CENPC: variants seen among roughly 807,000 people sequenced by gnomAD.
CENPC encodes CENP-C 1.
CENPC carries 63 observed loss-of-function variants against 112.1 expected under a neutral mutation model. That is an observed-to-expected ratio of 0.56 (90% confidence interval 0.46 to 0.69). The LOEUF (loss-of-function observed/expected upper bound fraction) is 0.69. CENPC is among the 30% of genes least tolerant of loss of function. The pLI is 0.00. For synonymous variants in CENPC, 333 were observed against 367.6 expected, an observed-to-expected ratio of 0.91 and a Z score of 1.08; for missense variants, 1,000 against 1,103.8, an observed-to-expected ratio of 0.91 and a Z score of 1.33.
At chr4:67,517,243 C>T (rs1161788138) in intron 7 of CENPC, among the ~76,000 whole-genome samples, 3 of 151,784 alleles carry the variant, frequency 2.0e-5, no homozygotes, top group Non-Finnish European at 4.4e-5. Flanking sequence ...CTCACTGCAA[C>T]CTCCACCTCC....
intron 5 of CENPC, among the ~76,000 whole-genome samples, chr4:67,529,315 GATTT>G (rs546410899): frequency 4.5e-4 from 68 of 151,970 alleles, no homozygotes; most frequent in Middle Eastern, 6.8e-3. Context: ...GTGTCCTTCA[GATTT>G]ATTTATTTAT....
chr4:67,530,077 A>T (rs355475), intron 5 of CENPC, among the ~76,000 whole-genome samples: 6 of 151,868 alleles, frequency 4.0e-5, no homozygotes, highest in African/African-American at 1.2e-4. Flanking sequence ...AACACATTCC[A>T]GATGGTTAAA....
At chr4:67,490,812 C>T (rs1725227822) in intron 16 of CENPC, among the ~76,000 whole-genome samples, 1 of 138,128 alleles carries the variant, frequency 7.2e-6, no homozygotes, top group South Asian at 2.3e-4. Context: ...GTTAGTGATC[C>T]TACAGACTAC....
chr4:67,539,783 T>G, intron 4 of CENPC, 57 bp downstream of exon 4: 1 of 885,360 alleles, frequency 1.1e-6, no homozygotes, highest in Non-Finnish European at 1.7e-6. Flanking sequence ...GAGTATATTG[T>G]GTATACCTTC....
chr4:67,498,821 C>T (rs564967875), intron 12 of CENPC, among the ~76,000 whole-genome samples: 1 of 152,314 alleles, frequency 6.6e-6, no homozygotes, highest in Non-Finnish European at 1.5e-5. Flanking sequence ...TTGACCTCCT[C>T]CCATGAAACA....
At position 67,493,885 on chromosome 4, in the gene CENPC, T is replaced by C. The variant is rs748949047; in HGVS notation, c.2289A>G (p.Ser763=). The C allele has an allele frequency of 6.2e-7, 1 of 1,605,218 alleles. No individual in the cohort carries two copies. The highest frequency in any genetic ancestry group is 8.5e-7 in the Non-Finnish European group (1 of 1,173,298). The change falls in exon 14 of 19, where the codon TCA becomes TCG. Residue 763 remains serine, a splice_region_variant and synonymous_variant. Transcript: ENST00000273853. ...GERIDYQGRP[S]GGFVISGVLS... is the part of the protein sequence containing the mutation. ...TATTATAACATAAATAAGTTTTACC[T>C]GATGGCCTTCCTTGATAATCTATTC...
Position 67,519,505 on chromosome 4 carries a change from A to G in CENPC, c.332-3T>C. The G allele has an allele frequency of 1.3e-6, 2 of 1,481,970 alleles. No homozygotes were observed. Among genetic ancestry groups the G allele is most frequent in the Non-Finnish European group, 1.8e-6 (2 of 1,110,194 alleles). The allele number at this position is 1,481,970 out of a possible 1,614,324, so 91.8% of individuals were successfully genotyped here. Reference sequence around the variant, plus strand: ...CTGATGAACTTCATGGGCCTGAACTAGAAGAAAATTATATAAAGATATTTG... The same window carrying G: ...CTGATGAACTTCATGGGCCTGAACTGGAAGAAAATTATATAAAGATATTTG... On this transcript the variant is annotated splice_polypyrimidine_tract_variant and splice_region_variant and intron_variant, in intron 5 of 18. Coordinates refer to ENST00000273853, the MANE Select transcript of CENPC (RefSeq NM_001812.4).
chr4:67,523,957 T>C (rs931277768), intron 5 of CENPC, among the ~76,000 whole-genome samples: 2 of 151,422 alleles, frequency 1.3e-5, no homozygotes, highest in Middle Eastern at 3.2e-3. Flanking sequence ...ACAATCTGAA[T>C]AACAAAATAA....
intron 1 of CENPC, among the ~76,000 whole-genome samples, chr4:67,545,057 A>G (rs544376422): frequency 7.6e-4 from 115 of 152,290 alleles, no homozygotes; most frequent in Admixed American, 2.4e-3. Flanking sequence ...AAAAACAAAA[A>G]CAAAAAAAAA....
chr4:67,487,469 A>G (rs1207838668), intron 17 of CENPC, among the ~76,000 whole-genome samples: 1 of 151,698 alleles, frequency 6.6e-6, no homozygotes, highest in Non-Finnish European at 1.5e-5. Flanking sequence ...ACATGACCCA[A>G]TCTTAATGGT....
chr4:67,533,738 C>G (rs186293134), intron 4 of CENPC, among the ~76,000 whole-genome samples: 2 of 152,064 alleles, frequency 1.3e-5, no homozygotes, highest in African/African-American at 4.8e-5. Flanking sequence ...TGCAAGACAC[C>G]ACTAAAAAAA....
intron 18 of CENPC, among the ~76,000 whole-genome samples, chr4:67,473,149 C>G (rs1354404167): frequency 6.6e-6 from 1 of 151,840 alleles, no homozygotes; most frequent in Non-Finnish European, 1.5e-5. Context: ...AGGCAGGTCT[C>G]GAACTCCTGG....
chr4:67,530,543 A>G (rs1397322700), intron 5 of CENPC, among the ~76,000 whole-genome samples: 1 of 152,138 alleles, frequency 6.6e-6, no homozygotes, highest in African/African-American at 2.4e-5. Context: ...AACTCAATGG[A>G]GTAACACTCT....
In CENPC at chr4:67,481,044, C is replaced by A. The variant is rs192667699; in HGVS notation, c.2671-6066G>T. Among the ~76,000 whole-genome samples, 241 of 152,234 alleles carry A rather than the reference C, an allele frequency of 1.6e-3. 1 individual carries two copies. The highest frequency in any genetic ancestry group is 4.2e-3 in the African/African-American group (173 of 41,518). On this transcript the variant is annotated intron_variant, in intron 17 of 18. Transcript: ENST00000273853. ...ATGATATGATCATATAGCTAGAAAACCCTAGACTCATCCAAAAAGTTCCTA... is the reference window on the plus strand; with the variant it reads ...ATGATATGATCATATAGCTAGAAAAACCTAGACTCATCCAAAAAGTTCCTA...
intron 9 of CENPC, among the ~76,000 whole-genome samples, chr4:67,509,834 C>T (rs1325208657): frequency 3.3e-5 from 5 of 152,088 alleles, no homozygotes; most frequent in Non-Finnish European, 5.9e-5. Flanking sequence ...CAAGAATCAC[C>T]TTTGGAAAAC....
Position 67,478,653 on chromosome 4 carries a change from CA to C in CENPC, c.2671-3676del, listed in dbSNP as rs1560417862. On this transcript the variant is annotated intron_variant, in intron 17 of 18. Transcript: ENST00000273853. ...AAACACACACACACACACACACACA[CA>C]CACACACACACACCCAAAGTATTCA... 1.6e-4 allele frequency among the ~76,000 whole-genome samples: 25 copies of C among 151,538 alleles called. No individual in the cohort carries two copies. The East Asian group carries it at 4.9e-3, about 30-fold the overall frequency.
chr4:67,515,047 T>C (rs1276306660), intron 7 of CENPC, among the ~76,000 whole-genome samples: 1 of 151,412 alleles, frequency 6.6e-6, no homozygotes, highest in African/African-American at 2.4e-5. Flanking sequence ...TAATCTTATA[T>C]TAAATTATAT....
At chr4:67,512,821 A>G (rs1725934929) in intron 8 of CENPC, among the ~76,000 whole-genome samples, 1 of 152,170 alleles carries the variant, frequency 6.6e-6, no homozygotes, top group Non-Finnish European at 1.5e-5. Context: ...AGCCAAAAAA[A>G]TAAGTATCTT....
At chr4:67,531,362 T>C (rs1264201892) in intron 4 of CENPC, among the ~76,000 whole-genome samples, 2 of 152,156 alleles carry the variant, frequency 1.3e-5, no homozygotes, top group African/African-American at 4.8e-5. Context: ...ACTGTAGTAT[T>C]GAGATTCACT....
Sources: gnomAD v4.1 joint callset for allele counts (sites outside exome capture counted in the v4.1 genomes callset) on GRCh38, gnomAD v4.1.1 for gene constraint, MANE v1.5 for transcripts, NCBI Gene and HGNC (gene_info 2026-07-23, HGNC 2026-07-21) for gene names.